POM121: variants seen among roughly 807,000 people sequenced by gnomAD.
The protein encoded by POM121 is nuclear envelope pore membrane protein POM 121.
In POM121, 32 loss-of-function variants were observed where a neutral mutation model predicts 81.3. The observed-to-expected ratio is 0.39, with a 90% CI of 0.30 to 0.53. The LOEUF is 0.53. Among genes scored for constraint, POM121 ranks in the 20% least tolerant of loss-of-function variants. The probability of loss-of-function intolerance (pLI) is 0.66; values close to 1 mark genes in which losing one functional copy is unlikely to be tolerated. For synonymous variants in POM121, 514 were observed against 694.2 expected, an observed-to-expected ratio of 0.74 and a Z score of 4.08; for missense variants, 1,138 against 1,614.6, an observed-to-expected ratio of 0.70 and a Z score of 5.06.
Position 72,907,911 on chromosome 7 carries a change from G to A in POM121, c.-215-5854G>A, listed in dbSNP as rs552128500. Among the ~76,000 whole-genome samples the A allele has an allele frequency of 1.3e-3, 202 of 152,148 alleles. 2 individuals carry two copies. The highest frequency in any genetic ancestry group is 1.9e-3 in the South Asian group (9 of 4,828). On this transcript the variant is annotated intron_variant, in intron 3 of 15. Transcript: ENST00000395270. ...GCTGTTGTCCCATTGTTCTTTTTTT[G>A]TGTGTGTGTTTGTTTTCTCTCTGTT...
At chr7:72,938,466 C>G in intron 5 of POM121, 124 bp from the exon 6 acceptor site, 2 of 1,188,438 alleles carry the variant, frequency 1.7e-6, no homozygotes, top group Non-Finnish European at 2.5e-6. Context: ...GCTGGGATTA[C>G]AGGCATGACT....
At chr7:72,900,411 T>A (rs1449747894) in intron 3 of POM121, among the ~76,000 whole-genome samples, 1 of 152,086 alleles carries the variant, frequency 6.6e-6, no homozygotes. Flanking sequence ...ATTTCTTATT[T>A]TTAATTGATC....
At chr7:72,916,040 G>GATCTACAAGA (rs1337392148) in intron 4 of POM121, among the ~76,000 whole-genome samples, 4 of 152,228 alleles carry the variant, frequency 2.6e-5, no homozygotes, top group Non-Finnish European at 4.4e-5. Context: ...GTAGTTTCTG[G>GATCTACAAGA]ATCTACAAGA....
chr7:72,895,819 G>A (rs1791891376), intron 3 of POM121, among the ~76,000 whole-genome samples: 1 of 151,830 alleles, frequency 6.6e-6, no homozygotes, highest in African/African-American at 2.4e-5. Flanking sequence ...TGAGGCAGGA[G>A]AATCACTTGA....
chr7:72,930,451 A>C (rs1795904567), intron 5 of POM121, among the ~76,000 whole-genome samples: 1 of 152,262 alleles, frequency 6.6e-6, no homozygotes, highest in South Asian at 2.1e-4. Flanking sequence ...TAGAAAGCCC[A>C]GAATGTACAG....
At chr7:72,944,434 G>C (rs1586192092) in intron 11 of POM121, among the ~76,000 whole-genome samples, 1 of 152,052 alleles carries the variant, frequency 6.6e-6, no homozygotes, top group Non-Finnish European at 1.5e-5. Context: ...TTTTGAAATA[G>C]TCATTTTGGA....
chr7:72,908,048 T>G (rs1275237421), intron 3 of POM121, among the ~76,000 whole-genome samples: 1 of 152,248 alleles, frequency 6.6e-6, no homozygotes, highest in Non-Finnish European at 1.5e-5. Context: ...TTTTTCTCTG[T>G]TGTATCTCCA....
chr7:72,899,272 A>G (rs1792323418), intron 3 of POM121, among the ~76,000 whole-genome samples: 1 of 152,092 alleles, frequency 6.6e-6, no homozygotes, highest in Admixed American at 6.6e-5. Flanking sequence ...GGCGTGAGCC[A>G]CAGTGCCCGG....
intron 4 of POM121, 128 bp from the exon 5 acceptor site, chr7:72,929,812 T>C: frequency 7.4e-7 from 1 of 1,342,742 alleles, no homozygotes; most frequent in African/African-American, 1.5e-5. Context: ...GGCCAGATTG[T>C]TAGCAGTAAA....
chr7:72,936,543 G>A (rs1303003936), intron 5 of POM121, among the ~76,000 whole-genome samples: 1 of 152,082 alleles, frequency 6.6e-6, no homozygotes. Flanking sequence ...TCCCAAAGTG[G>A]TGGGATTACA....
chr7:72,879,822 A>G (rs1789948926), exon 1 of POM121: 1 of 504,392 alleles, frequency 2.0e-6, no homozygotes, highest in African/African-American at 1.9e-5. Context: ...CGCGCGCGCC[A>G]GCGACAGCAG....
intron 3 of POM121, among the ~76,000 whole-genome samples, chr7:72,897,861 A>C (rs1403248466): frequency 2.0e-5 from 3 of 152,170 alleles, no homozygotes; most frequent in Non-Finnish European, 4.4e-5. Context: ...TCTCTAAAAA[A>C]ATAAAAAATT....
chr7:72,903,845 G>A (rs1376147396), intron 3 of POM121, among the ~76,000 whole-genome samples: 3 of 152,150 alleles, frequency 2.0e-5, no homozygotes, highest in African/African-American at 7.2e-5. Flanking sequence ...GCAGTGGCAC[G>A]ATCTCGGCTC....
chr7:72,898,079 G>C (rs567853525), intron 3 of POM121, among the ~76,000 whole-genome samples: 11 of 152,290 alleles, frequency 7.2e-5, no homozygotes, highest in African/African-American at 2.6e-4. Context: ...CAGTGTGTAA[G>C]AGAAAGAGAG....
chr7:72,913,411 A>G (rs1317191239), intron 3 of POM121, among the ~76,000 whole-genome samples: 2 of 152,184 alleles, frequency 1.3e-5, no homozygotes, highest in Non-Finnish European at 2.9e-5. Context: ...CTTTATCTGG[A>G]TAAGATTGGG....
chr7:72,882,054 C>T (rs1352787542), intron 1 of POM121, among the ~76,000 whole-genome samples: 37 of 152,276 alleles, frequency 2.4e-4, no homozygotes, highest in Non-Finnish European at 1.3e-4. Context: ...TATTTTAAGG[C>T]TGTTGAAATT....
Position 72,897,752 on chromosome 7 carries a change from G to A in POM121, c.-216+6642G>A, listed in dbSNP as rs1792109165. ...GAAAGCAGACCTGGCCAGGTGTGGT[G>A]GCTCAGGCCTGTAATTCCAGCACTT... On this transcript the variant is annotated intron_variant, in intron 3 of 15. Transcript: ENST00000395270. 3.9e-5 allele frequency among the ~76,000 whole-genome samples: 6 copies of A among 152,314 alleles called. No individual in the cohort carries two copies. The South Asian group carries it at 1.0e-3, about 26-fold the overall frequency.
intron 5 of POM121, 98 bp downstream of exon 5, chr7:72,930,209 C>G (rs1795878185): frequency 3.5e-6 from 5 of 1,430,390 alleles, no homozygotes; most frequent in African/African-American, 1.4e-5. Context: ...AATCCCAGCA[C>G]TTTGGAAGGC....
chr7:72,921,073 T>C (rs1225643537), upstream of POM121, among the ~76,000 whole-genome samples: 2 of 152,102 alleles, frequency 1.3e-5, no homozygotes, highest in Admixed American at 1.3e-4. Context: ...TACCAGCTAC[T>C]CTGCTGAGGC....
Sources: allele counts gnomAD v4.1 joint callset (sites outside exome capture counted in the v4.1 genomes callset), GRCh38; gene constraint gnomAD v4.1.1; transcripts MANE v1.5; gene names NCBI Gene and HGNC (gene_info 2026-07-23, HGNC 2026-07-21).